Variants in ZNF514 observed in about 807,000 individuals in gnomAD.
ZNF514 encodes zinc finger protein 514.
Under a neutral mutation model 9.7 loss-of-function variants are expected in ZNF514, and 12 were observed. The ratio of observed to expected loss-of-function variants is 1.24; its 90% CI spans 0.79 to 2.01. ZNF514 has a LOEUF of 2.01. ZNF514 is among the 30% of genes most tolerant of loss of function. The probability of loss-of-function intolerance (pLI) is 0.00; values close to 1 mark genes in which losing one functional copy is unlikely to be tolerated. For missense variants in ZNF514, 467 were observed against 465.5 expected (o/e 1.00, Z -0.03); for synonymous variants, 158 against 163.7 (o/e 0.97, Z 0.27).
chr2:95,127,095 C>G, the ZNF514 span, among the ~76,000 whole-genome samples: 1 of 152,216 alleles, frequency 6.6e-6, no homozygotes, highest in African/African-American at 2.4e-5. Context: ...GGATATTTCT[C>G]TGTCCTTGAT....
chr2:95,159,144 C>CA, intron 1 of ZNF514, 96 bp downstream of exon 1: 1 of 708,058 alleles, frequency 1.4e-6, no homozygotes, highest in East Asian at 7.5e-5. Context: ...AGCGGACCTG[C>CA]AGGGCCCAGA....
intron 2 of ZNF514, 89 bp downstream of exon 2, chr2:95,157,262 T>C (rs1673713052): frequency 3.7e-6 from 3 of 803,818 alleles, no homozygotes; most frequent in East Asian, 6.3e-5. Flanking sequence ...TCAGTTCCCT[T>C]AGTGAAAAAA....
chr2:95,150,304 G>A (rs766505859), intron 4 of ZNF514, 37 bp from the exon 5 acceptor site: 24 of 1,498,732 alleles, frequency 1.6e-5, no homozygotes, highest in Admixed American at 1.3e-4. Flanking sequence ...AGACATTCTA[G>A]TATGTAGAAT....
At chr2:95,155,342 C>G (rs890249817) in intron 2 of ZNF514, 2 of 152,226 alleles carry the variant, frequency 1.3e-5, no homozygotes, top group Non-Finnish European at 2.9e-5. Context: ...TTTCCCACTC[C>G]CAAGACCAAG....
intron 1 of ZNF514, among the ~76,000 whole-genome samples, chr2:95,158,481 G>A (rs1454784262): frequency 6.6e-6 from 1 of 152,218 alleles, no homozygotes; most frequent in Non-Finnish European, 1.5e-5. Flanking sequence ...CGCTATTGGG[G>A]GAAGGGGCTC....
chr2:95,156,247 C>T (rs560120202), intron 2 of ZNF514, among the ~76,000 whole-genome samples: 76 of 152,318 alleles, frequency 5.0e-4, no homozygotes, highest in Middle Eastern at 3.4e-3. Flanking sequence ...TGGGAAACCC[C>T]GGAGGCTGGC....
At chr2:95,137,593 A>T in the ZNF514 span, among the ~76,000 whole-genome samples, 1 of 152,340 alleles carries the variant, frequency 6.6e-6, no homozygotes, top group Admixed American at 6.5e-5. Flanking sequence ...GGAAACTTTC[A>T]GATGGATTTT....
chr2:95,138,832 A>C, the ZNF514 span, among the ~76,000 whole-genome samples: 1 of 152,234 alleles, frequency 6.6e-6, no homozygotes, highest in African/African-American at 2.4e-5. Flanking sequence ...ATGGGAAAAA[A>C]GCCTCTAAGG....
At chr2:95,125,587 C>T in the ZNF514 span, among the ~76,000 whole-genome samples, 9 of 152,170 alleles carry the variant, frequency 5.9e-5, no homozygotes, top group African/African-American at 2.2e-4. Flanking sequence ...AGTACATTCA[C>T]GTTGTTGTGC....
chr2:95,156,344 G>T (rs1249550641), intron 2 of ZNF514, among the ~76,000 whole-genome samples: 2 of 152,168 alleles, frequency 1.3e-5, no homozygotes, highest in African/African-American at 4.8e-5. Flanking sequence ...TGCCAACAAG[G>T]ATTAGGCAGT....
At chr2:95,127,795 G>C in the ZNF514 span, among the ~76,000 whole-genome samples, 1 of 152,198 alleles carries the variant, frequency 6.6e-6, no homozygotes, top group South Asian at 2.1e-4. Flanking sequence ...TTTTAGTAGA[G>C]ACAGGATTTT....
chr2:95,147,644 T>G lies in ZNF514; in HGVS notation c.*1638A>C, dbSNP rs1053546710. 6.6e-6 allele frequency: 1 copy of G among 151,746 alleles called. No individual in the cohort carries two copies. The highest frequency in any genetic ancestry group is 1.5e-5 in the Non-Finnish European group (1 of 67,900). 9.4% of individuals were successfully genotyped at this position (151,746 alleles called of 1,614,324 possible). A position where few individuals can be genotyped will look rare whatever the true frequency, so the allele number is the denominator to read the frequency against. ...TAATACCCATATTTTAGTTGTTTTTTTTTTTTTTTTCTGAGACGGAGTCTC... is the reference window on the plus strand; with the variant it reads ...TAATACCCATATTTTAGTTGTTTTTGTTTTTTTTTTCTGAGACGGAGTCTC... On this transcript the variant is annotated 3_prime_UTR_variant, in exon 5 of 5. Transcript: ENST00000295208.
chr2:95,158,703 T>G (rs1390988561), intron 1 of ZNF514, among the ~76,000 whole-genome samples: 1 of 152,192 alleles, frequency 6.6e-6, no homozygotes, highest in East Asian at 1.9e-4. Flanking sequence ...TCTTCTGCTC[T>G]CCTCTGGCCA....
the ZNF514 span, among the ~76,000 whole-genome samples, chr2:95,125,158 C>T: frequency 2.0e-5 from 3 of 151,920 alleles, no homozygotes; most frequent in African/African-American, 7.2e-5. Flanking sequence ...GGATTACAGG[C>T]ATGAGCCACT....
In ZNF514 at chr2:95,149,553, G is replaced by T; in HGVS notation, c.932C>A (p.Thr311Asn). Residue 311 changes from threonine (T) to asparagine (N), a missense_variant, in exon 5 of 5, where the codon ACT becomes AAT. Transcript: ENST00000295208. ...SSLIKHQRTH[T>N]GEKPYECREC... ...CCGGCATTCATAGGGCTTTTCTCCAGTATGAGTCCTCTGATGCTTAATAAG... is the reference window on the plus strand; with the variant it reads ...CCGGCATTCATAGGGCTTTTCTCCATTATGAGTCCTCTGATGCTTAATAAG... The T allele has an allele frequency of 6.2e-7, 1 of 1,613,964 alleles. No homozygotes were observed. Among genetic ancestry groups the T allele is most frequent in the Non-Finnish European group, 8.5e-7 (1 of 1,179,968 alleles).
At position 95,146,877 on chromosome 2, in the gene ZNF514, C is replaced by G. The variant is rs1326007189; in HGVS notation, c.*2405G>C. Among the ~76,000 whole-genome samples, 3 of 151,946 alleles carry G rather than the reference C, an allele frequency of 2.0e-5. No homozygotes were observed. The highest frequency in any genetic ancestry group is 4.4e-5 in the Non-Finnish European group (3 of 68,010). On this transcript the variant is annotated 3_prime_UTR_variant, in exon 5 of 5. Coordinates refer to ENST00000295208, the MANE Select transcript of ZNF514 (RefSeq NM_032788.3). ...TCTGCTCCTGTAAACCTTGGCTGTCCAGGAATAAATTTCTGTGTGATCTTG... is the reference window on the plus strand; with the variant it reads ...TCTGCTCCTGTAAACCTTGGCTGTCGAGGAATAAATTTCTGTGTGATCTTG...
chr2:95,130,113 A>T, the ZNF514 span, among the ~76,000 whole-genome samples: 2 of 152,106 alleles, frequency 1.3e-5, no homozygotes, highest in Admixed American at 1.3e-4. Flanking sequence ...CAAAAGAGAA[A>T]TTTTTAAGCT....
At chr2:95,142,485 AAC>A (rs757792036), downstream of ZNF514, among the ~76,000 whole-genome samples, 25 of 152,248 alleles carry the variant, frequency 1.6e-4, no homozygotes, top group Non-Finnish European at 3.2e-4. Flanking sequence ...CCAAATTTGT[AAC>A]ACAGTTAATG....
chr2:95,149,867 A>G lies in ZNF514; in HGVS notation c.618T>C (p.Cys206=), dbSNP rs1337999062. ...AGTGAAAGGACTTCCCACACTCATT[A>G]CATTTACAAGATTTCTTTTCTGGGT... ...RTHPEKKSCK[C]NECGKSFHFQ... The change falls in exon 5 of 5, where the codon TGT becomes TGC. Residue 206 remains cysteine, a synonymous_variant. Transcript: ENST00000295208. 6.2e-7 allele frequency: 1 copy of G among 1,613,764 alleles called. No homozygotes were observed. Among genetic ancestry groups the G allele is most frequent in the East Asian group, 2.2e-5 (1 of 44,888 alleles).
Sources: gnomAD v4.1 joint callset for allele counts (sites outside exome capture counted in the v4.1 genomes callset) on GRCh38, gnomAD v4.1.1 for gene constraint, MANE v1.5 for transcripts, NCBI Gene and HGNC (gene_info 2026-07-23, HGNC 2026-07-21) for gene names.